The following MIPOL1 variants were observed in gnomAD, a reference collection of about 807,000 sequenced individuals.
The protein encoded by MIPOL1 is mirror-image polydactyly 1.
Under a neutral mutation model 60.9 loss-of-function variants are expected in MIPOL1, and 57 were observed. The ratio of observed to expected loss-of-function variants is 0.94; its 90% CI spans 0.76 to 1.17. The LOEUF (loss-of-function observed/expected upper bound fraction) is 1.17. Among genes scored for constraint, MIPOL1 ranks in the 50% most tolerant of loss-of-function variants. The pLI is 0.00. For missense variants in MIPOL1, 551 were observed against 511.6 expected, an observed-to-expected ratio of 1.08 and a Z score of -0.74; for synonymous variants, 179 against 168.8, an observed-to-expected ratio of 1.06 and a Z score of -0.47.
chr14:37,523,464 T>C, intron 12 of MIPOL1: 1 of 398,004 alleles, frequency 2.5e-6, no homozygotes, highest in Non-Finnish European at 4.5e-6. Flanking sequence ...TAGAGTTTTT[T>C]TTTTCCAGAT....
chr14:37,479,745 A>G (rs1024629039), intron 11 of MIPOL1, among the ~76,000 whole-genome samples: 1 of 152,082 alleles, frequency 6.6e-6, no homozygotes, highest in East Asian at 1.9e-4. Flanking sequence ...GATCAATGAA[A>G]CTAAGAATTG....
chr14:37,231,907 G>GT (rs1970694102), intron 1 of MIPOL1, among the ~76,000 whole-genome samples: 1 of 151,314 alleles, frequency 6.6e-6, no homozygotes, highest in Non-Finnish European at 1.5e-5. Flanking sequence ...TAGGGAGATC[G>GT]TATCTCTACA....
rs144159020 is a variant in MIPOL1, at chr14:37,364,259, C to G, written c.829-5258C>G. Among the ~76,000 whole-genome samples the G allele has an allele frequency of 3.1e-3, 468 of 152,306 alleles. 3 individuals carry two copies. The highest frequency in any genetic ancestry group is 9.6e-3 in the African/African-American group (399 of 41,570). On this transcript the variant is annotated intron_variant, in intron 9 of 12. Coordinates refer to ENST00000684589, the MANE Select transcript of MIPOL1 (RefSeq NM_001388067.1). ...GCAGACTGGAGCTGTTCCTATTTGG[C>G]TGTCTTGGAACAGAAACCAAGAAAT...
intron 10 of MIPOL1, among the ~76,000 whole-genome samples, chr14:37,416,392 A>C (rs1407984956): frequency 6.6e-6 from 1 of 152,130 alleles, no homozygotes; most frequent in Admixed American, 6.6e-5. Flanking sequence ...TTGTATGGGC[A>C]TAATAGAGTG....
chr14:37,219,800 A>G (rs1160444839), intron 1 of MIPOL1: 1 of 152,116 alleles, frequency 6.6e-6, no homozygotes. Flanking sequence ...TTCTCTTTTC[A>G]CCAGTTTTTA....
intron 10 of MIPOL1, among the ~76,000 whole-genome samples, chr14:37,378,430 G>A (rs946087824): frequency 6.6e-6 from 1 of 152,014 alleles, no homozygotes; most frequent in Non-Finnish European, 1.5e-5. Flanking sequence ...AAATTTATAT[G>A]ATTCCATTTT....
chr14:37,269,079 T>C (rs2083093200), intron 5 of MIPOL1, among the ~76,000 whole-genome samples: 1 of 152,118 alleles, frequency 6.6e-6, no homozygotes, highest in African/African-American at 2.4e-5. Context: ...CAAGTTTTAG[T>C]AAAACTCTGC....
intron 12 of MIPOL1, among the ~76,000 whole-genome samples, chr14:37,535,762 T>C (rs1198012246): frequency 6.6e-6 from 1 of 152,222 alleles, no homozygotes; most frequent in Non-Finnish European, 1.5e-5. Context: ...CTAAGAAATA[T>C]GCATAAATGA....
At chr14:37,525,715 T>C (rs1309771537) in intron 12 of MIPOL1, among the ~76,000 whole-genome samples, 1 of 152,152 alleles carries the variant, frequency 6.6e-6, no homozygotes, top group Non-Finnish European at 1.5e-5. Context: ...CTAAATCAGG[T>C]CAGGTTTTGC....
intron 1 of MIPOL1, among the ~76,000 whole-genome samples, chr14:37,227,408 C>T (rs1181923658): frequency 1.3e-5 from 2 of 152,048 alleles, no homozygotes; most frequent in South Asian, 4.1e-4. Context: ...TATCTCTCCT[C>T]ATATCTGGGG....
intron 1 of MIPOL1, among the ~76,000 whole-genome samples, chr14:37,225,076 G>A (rs1424179726): frequency 1.3e-5 from 2 of 152,166 alleles, no homozygotes; most frequent in African/African-American, 2.4e-5. Flanking sequence ...TGATGCAAGA[G>A]GTGGGTTCCC....
At chr14:37,292,618 T>C (rs1168610957) in intron 7 of MIPOL1, among the ~76,000 whole-genome samples, 1 of 151,630 alleles carries the variant, frequency 6.6e-6, no homozygotes, top group African/African-American at 2.4e-5. Context: ...GTTGCTGGGA[T>C]TATAGGCACC....
At chr14:37,227,955 T>C (rs1970006276) in intron 1 of MIPOL1, 1 of 152,182 alleles carries the variant, frequency 6.6e-6, no homozygotes, top group African/African-American at 2.4e-5. Context: ...TAATAGGAAC[T>C]GCTATGGTTA....
intron 1 of MIPOL1, among the ~76,000 whole-genome samples, chr14:37,231,351 G>A (rs1197606741): frequency 1.3e-5 from 2 of 152,082 alleles, no homozygotes. Context: ...GCCTTCCAAA[G>A]TGCTGGGATT....
intron 10 of MIPOL1, 103 bp downstream of exon 10, chr14:37,369,727 C>A: frequency 1.3e-6 from 1 of 758,270 alleles, no homozygotes. Context: ...CAGAAGTGAG[C>A]TGTGGTGTTT....
intron 1 of MIPOL1, among the ~76,000 whole-genome samples, chr14:37,207,733 A>G (rs1326643088): frequency 1.3e-5 from 2 of 149,234 alleles, no homozygotes; most frequent in Non-Finnish European, 2.9e-5. Context: ...TTTAGTAGAG[A>G]TGGGGTTTTA....
intron 9 of MIPOL1, among the ~76,000 whole-genome samples, chr14:37,363,918 G>T (rs760860555): frequency 6.6e-6 from 1 of 152,170 alleles, no homozygotes; most frequent in African/African-American, 2.4e-5. Context: ...GCCATGTTCC[G>T]TGGGCATGTG....
chr14:37,397,849 T>C (rs1007975101), intron 10 of MIPOL1, among the ~76,000 whole-genome samples: 1 of 152,076 alleles, frequency 6.6e-6, no homozygotes, highest in East Asian at 1.9e-4. Flanking sequence ...CAAGTCTGTT[T>C]CCAGGCAGTG....
intron 1 of MIPOL1, among the ~76,000 whole-genome samples, chr14:37,219,202 G>A (rs569365753): frequency 6.6e-6 from 1 of 152,282 alleles, no homozygotes; most frequent in East Asian, 1.9e-4. Context: ...TCAGGCTACA[G>A]TGATCAAAGA....
Sources: allele counts gnomAD v4.1 joint callset (sites outside exome capture counted in the v4.1 genomes callset), GRCh38; gene constraint gnomAD v4.1.1; transcripts MANE v1.5; gene names NCBI Gene and HGNC (gene_info 2026-07-23, HGNC 2026-07-21).